DENND4C: variants seen among roughly 807,000 people sequenced by gnomAD.
DENND4C encodes DENN domain containing 4C, also known as DENN domain-containing protein 4C.
Under a neutral mutation model 203.0 loss-of-function variants are expected in DENND4C, and 108 were observed. That is an observed-to-expected ratio of 0.53 (90% CI 0.46 to 0.62). DENND4C has a LOEUF of 0.62. DENND4C is among the 20% of genes least tolerant of loss of function. DENND4C has a pLI of 0.00. For synonymous variants in DENND4C, 871 were observed against 792.4 expected (o/e 1.10, Z -1.67); for missense variants, 2,481 against 2,301.2 (o/e 1.08, Z -1.60).
At position 19,345,953 on chromosome 9, in the gene DENND4C, G is replaced by C. The variant is rs558217052; in HGVS notation, c.3184G>C (p.Asp1062His). Residue 1062 changes from aspartate (D) to histidine (H), a missense_variant, in exon 23 of 33, where the codon GAT (aspartate) becomes CAT (histidine). This residue lies in a region of DENND4C where 2,289 missense variants were observed against 2,113.3 expected (regional missense o/e 1.08). Transcript: ENST00000434457. Reference sequence around the variant, plus strand: ...ATCAAATGTGCTGTTTTCTACTCAAGATCCAGTTGAAGATGCAGTCTTTGG... The same window carrying C: ...ATCAAATGTGCTGTTTTCTACTCAACATCCAGTTGAAGATGCAGTCTTTGG... The part of the protein sequence containing the change: ...SISNVLFSTQ[D>H]PVEDAVFGEA... 1.1e-5 allele frequency: 18 copies of C among 1,613,472 alleles called. No homozygotes were observed. The highest frequency in any genetic ancestry group is 1.4e-5 in the Non-Finnish European group (17 of 1,179,922).
At chr9:19,269,393 G>T (rs1049474501) in intron 1 of DENND4C, among the ~76,000 whole-genome samples, 1 of 152,132 alleles carries the variant, frequency 6.6e-6, no homozygotes, top group African/African-American at 2.4e-5. Flanking sequence ...TCCTGACCTC[G>T]GGTGATCTGC....
intron 1 of DENND4C, among the ~76,000 whole-genome samples, chr9:19,273,600 T>A (rs1236872400): frequency 6.6e-6 from 1 of 151,560 alleles, no homozygotes; most frequent in Non-Finnish European, 1.5e-5. Context: ...ACAACTCAGT[T>A]AAAAAAAATG....
chr9:19,300,095 A>G lies in DENND4C; in HGVS notation c.1167-92A>G, dbSNP rs1281398483. On this transcript the variant is annotated intron_variant, in intron 8 of 32. Coordinates refer to ENST00000434457, the MANE Select transcript of DENND4C (RefSeq NM_001330640.2). ...AGTAAAGACTAGAAATTAACACTAG[A>G]CTCTCAATCTGTTGATACTTTAATA... 4 of 1,251,136 alleles carry G rather than the reference A, an allele frequency of 3.2e-6. No homozygotes were observed. The Admixed American group carries it at 9.6e-5, about 30-fold the overall frequency. 77.5% of individuals were successfully genotyped at this position (1,251,136 alleles called of 1,614,324 possible). A position where few individuals can be genotyped will look rare whatever the true frequency, so the allele number is the denominator to read the frequency against.
rs776438421 is a variant in DENND4C, at chr9:19,286,945, G to C, written c.482G>C (p.Cys161Ser). 12 of 1,232,050 alleles carry C rather than the reference G, an allele frequency of 9.7e-6. No homozygotes were observed. The South Asian group carries it at 4.1e-4, about 42-fold the overall frequency. 76.3% of individuals were successfully genotyped at this position (1,232,050 alleles called of 1,614,324 possible). ...PQNSLAVTDI[C>S]VIVTSKGETP... ...AATTCCTTGGCTGTAACTGATATCT[G>C]TGTTATTGTAACCAGTAAAGGAGAA... Residue 161 changes from cysteine to serine, a missense_variant, in exon 3 of 33, where the codon TGT (cysteine) becomes TCT (serine). Transcript: ENST00000434457.
At chr9:19,333,208 G>T (rs1032175811) in intron 17 of DENND4C, among the ~76,000 whole-genome samples, 11 of 150,610 alleles carry the variant, frequency 7.3e-5, no homozygotes, top group Non-Finnish European at 1.5e-4. Context: ...GTAGAGATGG[G>T]GTCTCGATAT....
chr9:19,371,597 C>T (rs1563851785), intron 31 of DENND4C, 159 bp from the exon 32 acceptor site: 2 of 453,534 alleles, frequency 4.4e-6, no homozygotes, highest in Non-Finnish European at 8.0e-6. Context: ...TGTGACACCT[C>T]ATATAACTAA....
At chr9:19,265,629 G>T (rs1830341122) in intron 1 of DENND4C, among the ~76,000 whole-genome samples, 2 of 151,966 alleles carry the variant, frequency 1.3e-5, no homozygotes, top group African/African-American at 4.8e-5. Context: ...ACAGGCCCCG[G>T]TGTGTGATGT....
chr9:19,324,533 T>G (rs1843401417), intron 13 of DENND4C, 26 bp downstream of exon 13: 1 of 1,585,778 alleles, frequency 6.3e-7, no homozygotes, highest in Non-Finnish European at 8.5e-7. Flanking sequence ...TATACTAGTG[T>G]TTAGAAAAAA....
Position 19,306,745 on chromosome 9 carries a change from G to GTATTTATTTAAT in DENND4C, c.1487+1228_1487+1229insATTATTTATTTA, listed in dbSNP as rs1839743355. 3.5e-5 allele frequency among the ~76,000 whole-genome samples: 5 copies of GTATTTATTTAAT among 142,322 alleles called. No homozygotes were observed. In the South Asian group the frequency reaches 1.1e-3, roughly 33 times the overall value. 93.4% of individuals were successfully genotyped at this position (142,322 alleles called of 152,430 possible). On this transcript the variant is annotated intron_variant, in intron 10 of 32. Coordinates refer to ENST00000434457, the MANE Select transcript of DENND4C (RefSeq NM_001330640.2). ...ATAAATGTGAAGTGTTTGCACAATTGTATTTATTTATTTATTTATTTATTT... is the reference window on the plus strand; with the variant it reads ...ATAAATGTGAAGTGTTTGCACAATTGTATTTATTTAATTATTTATTTATTTATTTATTTATTT...
At chr9:19,258,643 A>G (rs1828579969) in intron 1 of DENND4C, among the ~76,000 whole-genome samples, 1 of 149,950 alleles carries the variant, frequency 6.7e-6, no homozygotes, top group African/African-American at 2.5e-5. Flanking sequence ...TATCCATTCT[A>G]TTTTCTTTAA....
intron 1 of DENND4C, among the ~76,000 whole-genome samples, chr9:19,265,460 A>AT (rs869195022): frequency 3.6e-5 from 3 of 82,598 alleles, no homozygotes; most frequent in Admixed American, 1.3e-4. Context: ...TTATTTATTT[A>AT]TTTTTTATTA....
chr9:19,286,846 A>G lies in DENND4C; in HGVS notation c.383A>G (p.Asn128Ser), dbSNP rs1469520427. The change falls in exon 3 of 33, where the codon AAT (asparagine) becomes AGT (serine). Residue 128 changes from asparagine (N) to serine (S), a missense_variant. Asn to Ser is a conservative substitution (Grantham distance 46, BLOSUM62 1). This residue lies in a region of DENND4C where 187 missense variants were observed against 167.4 expected (regional missense o/e 1.12). Coordinates refer to ENST00000434457, the MANE Select transcript of DENND4C (RefSeq NM_001330640.2). ...ILATPYGRCA[N>S]VNNSSTTSQR... ...GCCACACCCTATGGTCGCTGTGCCAATGTCAACAATAGTTCAACTACTTCA... is the reference window on the plus strand; with the variant it reads ...GCCACACCCTATGGTCGCTGTGCCAGTGTCAACAATAGTTCAACTACTTCA... 4 of 1,232,122 alleles carry G rather than the reference A, an allele frequency of 3.2e-6. No homozygotes were observed. The highest frequency in any genetic ancestry group is 4.2e-5 in the Admixed American group (1 of 23,708). The allele number at this position is 1,232,122 out of a possible 1,614,324, so 76.3% of individuals were successfully genotyped here.
chr9:19,302,214 T>G (rs1223250036), intron 9 of DENND4C, among the ~76,000 whole-genome samples: 1 of 152,042 alleles, frequency 6.6e-6, no homozygotes, highest in Non-Finnish European at 1.5e-5. Flanking sequence ...AAGAGAACAT[T>G]GAAAAGAATG....
intron 17 of DENND4C, 122 bp from the exon 18 acceptor site, chr9:19,334,855 C>CA: frequency 9.7e-7 from 1 of 1,032,716 alleles, no homozygotes; most frequent in Non-Finnish European, 1.4e-6. Context: ...CTAAGATGCT[C>CA]AAAGCAGAAC....
chr9:19,268,542 A>G (rs1377959955), intron 1 of DENND4C, among the ~76,000 whole-genome samples: 1 of 152,144 alleles, frequency 6.6e-6, no homozygotes, highest in Non-Finnish European at 1.5e-5. Flanking sequence ...ATCTTCAGGT[A>G]ATTTCTCATT....
chr9:19,249,447 G>C (rs1016362457), intron 1 of DENND4C, among the ~76,000 whole-genome samples: 35 of 151,714 alleles, frequency 2.3e-4, no homozygotes, highest in African/African-American at 8.5e-4. Flanking sequence ...GTAGAGACAG[G>C]GTTTCACCAT....
chr9:19,275,631 C>T (rs544087832), intron 1 of DENND4C, among the ~76,000 whole-genome samples: 5 of 151,928 alleles, frequency 3.3e-5, no homozygotes, highest in Admixed American at 6.6e-5. Flanking sequence ...CCACCAGGCT[C>T]AGCTAAATTT....
chr9:19,272,379 C>T (rs1831888750), intron 1 of DENND4C, among the ~76,000 whole-genome samples: 1 of 151,594 alleles, frequency 6.6e-6, no homozygotes, highest in South Asian at 2.1e-4. Context: ...GAGATTGCGC[C>T]ATTGCACTCC....
intron 30 of DENND4C, among the ~76,000 whole-genome samples, chr9:19,363,979 A>C (rs1827079098): frequency 6.6e-6 from 1 of 152,114 alleles, no homozygotes; most frequent in Non-Finnish European, 1.5e-5. Flanking sequence ...GCGCCGTTGC[A>C]CTCCAGCCTG....
Sources: gnomAD v4.1 joint callset for allele counts (sites outside exome capture counted in the v4.1 genomes callset) on GRCh38, gnomAD v4.1.1 for gene constraint, gnomAD v4.1.1 regional missense constraint, MANE v1.5 for transcripts, NCBI Gene and HGNC (gene_info 2026-07-23, HGNC 2026-07-21) for gene names.